Variants in SFXN5 observed in about 807,000 individuals in gnomAD.
SFXN5 encodes the protein sideroflexin-5.
Under a neutral mutation model 50.2 loss-of-function variants are expected in SFXN5, and 43 were observed. The observed-to-expected ratio is 0.86, with a 90% CI of 0.67 to 1.11. The LOEUF is 1.11. Ranked by LOEUF, SFXN5 falls within the 50% of genes least tolerant of loss-of-function variation. The probability of loss-of-function intolerance (pLI) is 0.00; values close to 1 mark genes in which losing one functional copy is unlikely to be tolerated. For synonymous variants in SFXN5, 203 were observed against 185.8 expected (o/e 1.09, Z -0.75); for missense variants, 463 against 454.1 (o/e 1.02, Z -0.18).
In SFXN5 at chr2:72,950,138, G is replaced by A. The variant is rs1456069288; in HGVS notation, c.946-5039C>T. On this transcript the variant is annotated intron_variant, in intron 13 of 13. Coordinates refer to ENST00000272433, the MANE Select transcript of SFXN5 (RefSeq NM_144579.3). The surrounding 1 kb of genome is among the most constrained non-coding windows in gnomAD (Gnocchi z 4.2). ...GATGGAGGGGTGGGTGCCAAGGCCT[G>A]GGGAACAGGCACATTTGAAGGGCAA... Among the ~76,000 whole-genome samples the A allele has an allele frequency of 1.3e-5, 2 of 152,116 alleles. No homozygotes were observed. Among genetic ancestry groups the A allele is most frequent in the East Asian group, 3.9e-4 (2 of 5,182 alleles).
chr2:72,983,509 G>A (rs1671561642), intron 10 of SFXN5, among the ~76,000 whole-genome samples: 1 of 152,198 alleles, frequency 6.6e-6, no homozygotes, highest in African/African-American at 2.4e-5. Flanking sequence ...TTCCTCATGA[G>A]GAGCTCAGGG....
At chr2:72,980,588 C>T (rs763162453) in intron 10 of SFXN5, among the ~76,000 whole-genome samples, 5 of 152,138 alleles carry the variant, frequency 3.3e-5, no homozygotes, top group Non-Finnish European at 7.4e-5. Context: ...GACTCAGGAT[C>T]GGGAATTTCT....
rs1673680193 is a variant in SFXN5, at chr2:72,961,131, C to T, written c.945G>A (p.Glu315=). The T allele has an allele frequency of 6.3e-7, 1 of 1,582,280 alleles. No homozygotes were observed. The highest frequency in any genetic ancestry group is 8.6e-7 in the Non-Finnish European group (1 of 1,165,486). Reference sequence around the variant, plus strand: ...TGCCCTTGAGCCCCTCCCCACTGACCTCTGACATTTGCGGGAAGAGGCTGA... The same window carrying T: ...TGCCCTTGAGCCCCTCCCCACTGACTTCTGACATTTGCGGGAAGAGGCTGA... ...LAISLFPQMS[E]IETSQLEPEI... is the part of the protein sequence containing the mutation. Residue 315 remains glutamate (E), a splice_region_variant and synonymous_variant, in exon 13 of 14, where the codon GAG becomes GAA. Coordinates refer to ENST00000272433, the MANE Select transcript of SFXN5 (RefSeq NM_144579.3). This position sits in a 1 kb window ranked among gnomAD's most constrained non-coding sequence, Gnocchi z 4.4.
Position 72,942,818 on chromosome 2 carries a change from G to C in SFXN5, c.*2204C>G, listed in dbSNP as rs1294532212. The C allele has an allele frequency of 1.3e-5, 2 of 152,118 alleles. No homozygotes were observed. The highest frequency in any genetic ancestry group is 3.9e-4 in the East Asian group (2 of 5,174). The allele number at this position is 152,118 out of a possible 1,614,324, so 9.4% of individuals were successfully genotyped here. Reference sequence around the variant, plus strand: ...GAGTTATGAGATGCTGAGGCCACAGGCTGGGCCAGGGCACCAGGCCTCTGG... The same window carrying C: ...GAGTTATGAGATGCTGAGGCCACAGCCTGGGCCAGGGCACCAGGCCTCTGG... On this transcript the variant is annotated 3_prime_UTR_variant, in exon 14 of 14. Coordinates refer to ENST00000272433, the MANE Select transcript of SFXN5 (RefSeq NM_144579.3).
chr2:72,949,084 G>A (rs1672253204), intron 13 of SFXN5, among the ~76,000 whole-genome samples: 1 of 152,182 alleles, frequency 6.6e-6, no homozygotes, highest in African/African-American at 2.4e-5. Context: ...GAAGAGAATG[G>A]AGGATTTTGA....
rs1474068901 is a variant in SFXN5, at chr2:72,944,343, C to G, written c.*679G>C. ...TGGACTTCACTCAGAGGGACTGGTT[C>G]TGCAGCTCTGGAATGGATGTGGGCT... is the stretch of plus-strand genomic sequence containing the variant. On this transcript the variant is annotated 3_prime_UTR_variant, in exon 14 of 14. Coordinates refer to ENST00000272433, the MANE Select transcript of SFXN5 (RefSeq NM_144579.3). 1 of 152,346 alleles carries G rather than the reference C, an allele frequency of 6.6e-6. No homozygotes were observed. Among genetic ancestry groups the G allele is most frequent in the Non-Finnish European group, 1.5e-5 (1 of 68,150 alleles). 9.4% of individuals were successfully genotyped at this position (152,346 alleles called of 1,614,324 possible).
At chr2:73,038,181 T>C (rs55974516) in intron 3 of SFXN5, among the ~76,000 whole-genome samples, 52,136 of 152,202 alleles carry the variant, frequency 0.34, 10,819 homozygotes, top group African/African-American at 0.58. Context: ...TGCTCCCTGG[T>C]TACAAGCCTG....
chr2:73,020,255 G>A lies in SFXN5; in HGVS notation c.341C>T (p.Pro114Leu), dbSNP rs1676696432. The change falls in exon 6 of 14, where the codon CCT becomes CTT. Residue 114 changes from proline (P) to leucine (L), a missense_variant. Physicochemically the swap from Pro to Leu is moderately conservative, Grantham distance 98 (BLOSUM62 -3). Coordinates refer to ENST00000272433, the MANE Select transcript of SFXN5 (RefSeq NM_144579.3). ...FMPFRMSGYI[P>L]FGTPIVVGLL... ...AACACTTACAATTGGCGTCCCAAAA[G>A]GAATATAACCTGTGAACGAGAAGAA... 1 of 1,613,896 alleles carries A rather than the reference G, an allele frequency of 6.2e-7. No individual in the cohort carries two copies. The highest frequency in any genetic ancestry group is 1.3e-5 in the African/African-American group (1 of 74,906).
chr2:73,043,661 C>T (rs764688036), intron 2 of SFXN5, among the ~76,000 whole-genome samples: 17 of 152,150 alleles, frequency 1.1e-4, no homozygotes, highest in Non-Finnish European at 2.4e-4. Context: ...TTCCCGGATA[C>T]GTTCATTTCC....
intron 13 of SFXN5, among the ~76,000 whole-genome samples, chr2:72,954,377 G>A (rs1197744176): frequency 6.6e-6 from 1 of 152,124 alleles, no homozygotes; most frequent in Non-Finnish European, 1.5e-5. Context: ...GGGGGTACCG[G>A]GGGAGGTCAG....
chr2:73,030,145 A>G (rs1678119532), intron 3 of SFXN5, among the ~76,000 whole-genome samples: 1 of 152,028 alleles, frequency 6.6e-6, no homozygotes, highest in Non-Finnish European at 1.5e-5. Context: ...CAAAAACAAA[A>G]AAGTCTCACA....
At chr2:73,071,530 G>A in intron 1 of SFXN5, 74 bp downstream of exon 1, 4 of 1,419,688 alleles carry the variant, frequency 2.8e-6, no homozygotes, top group Non-Finnish European at 2.9e-6. Context: ...TTGGGCGGAA[G>A]GGGACTTTGG....
At chr2:73,037,832 CT>C (rs1186140140) in intron 3 of SFXN5, among the ~76,000 whole-genome samples, 1 of 152,144 alleles carries the variant, frequency 6.6e-6, no homozygotes, top group East Asian at 1.9e-4. Context: ...CATAAAAAGA[CT>C]CAAAACTTTC....
intron 2 of SFXN5, 144 bp from the exon 3 acceptor site, chr2:73,041,075 T>C (rs559954782): frequency 1.8e-6 from 1 of 560,836 alleles, no homozygotes; most frequent in Non-Finnish European, 3.1e-6. Context: ...CACAAAATCA[T>C]ATAGAAATAC....
chr2:72,989,467 T>C (rs1672312166), intron 9 of SFXN5, among the ~76,000 whole-genome samples: 1 of 152,058 alleles, frequency 6.6e-6, no homozygotes, highest in African/African-American at 2.4e-5. Context: ...GCTTGGCATA[T>C]AAGAGACCTC....
intron 6 of SFXN5, among the ~76,000 whole-genome samples, chr2:73,003,943 T>C (rs530109336): frequency 2.2e-4 from 33 of 152,344 alleles, no homozygotes; most frequent in African/African-American, 7.7e-4. Context: ...AGTCTCCTCA[T>C]TCTTTCTTAA....
chr2:73,009,671 G>A (rs1309124141), intron 6 of SFXN5, among the ~76,000 whole-genome samples: 3 of 152,196 alleles, frequency 2.0e-5, no homozygotes, highest in Non-Finnish European at 2.9e-5. Flanking sequence ...CACCACATGC[G>A]TTTATTCACA....
intron 2 of SFXN5, among the ~76,000 whole-genome samples, chr2:73,054,960 C>T (rs1048265543): frequency 1.3e-5 from 2 of 152,192 alleles, no homozygotes; most frequent in Non-Finnish European, 2.9e-5. Context: ...AATACCTATG[C>T]CCTTTGTCCT....
At chr2:72,959,086 CCCTCA>C (rs1673421947) in intron 13 of SFXN5, among the ~76,000 whole-genome samples, 1 of 152,168 alleles carries the variant, frequency 6.6e-6, no homozygotes, top group Non-Finnish European at 1.5e-5. Flanking sequence ...TCTCCAGGAG[CCCTCA>C]CCTCTCCTCC....
Sources: allele counts gnomAD v4.1 joint callset (sites outside exome capture counted in the v4.1 genomes callset), GRCh38; gene constraint gnomAD v4.1.1; non-coding constraint Gnocchi (gnomAD v3.1); transcripts MANE v1.5; gene names NCBI Gene and HGNC (gene_info 2026-07-23, HGNC 2026-07-21).